The following EDEM2 variants were observed in gnomAD, a reference collection of about 807,000 sequenced individuals.
EDEM2 encodes the protein ER degradation-enhancing alpha-mannosidase-like protein 2.
EDEM2 carries 39 observed loss-of-function variants against 64.8 expected under a neutral mutation model. That is an observed-to-expected ratio of 0.60 (90% CI 0.47 to 0.79). The LOEUF is 0.79. EDEM2 is among the 30% of genes least tolerant of loss of function. The probability of loss-of-function intolerance (pLI) is 0.00; values close to 1 mark genes in which losing one functional copy is unlikely to be tolerated. For synonymous variants in EDEM2, 296 were observed against 291.5 expected (o/e 1.02, Z -0.16); for missense variants, 609 against 731.3 (o/e 0.83, Z 1.93).
Position 35,123,886 on chromosome 20 carries a change from T to C in EDEM2, c.1114+4A>G. ...GCAGATGACAAGCCAGAAATGCTGC[T>C]CACCTGGCCGAAGTGGGTAGCCCTC... is the stretch of plus-strand genomic sequence containing the variant. On this transcript the variant is annotated splice_donor_region_variant and intron_variant, in intron 9 of 10. Transcript: ENST00000374492. 6.2e-7 allele frequency: 1 copy of C among 1,613,444 alleles called. No individual in the cohort carries two copies. Among genetic ancestry groups the C allele is most frequent in the Admixed American group, 1.7e-5 (1 of 59,994 alleles).
chr20:35,129,362 G>C (rs2085478113), intron 7 of EDEM2, among the ~76,000 whole-genome samples: 2 of 151,454 alleles, frequency 1.3e-5, no homozygotes, highest in African/African-American at 2.4e-5. Flanking sequence ...AGCCGATATT[G>C]CACCACTGTA....
At chr20:35,140,979 G>A (rs992749272) in intron 4 of EDEM2, among the ~76,000 whole-genome samples, 3 of 151,790 alleles carry the variant, frequency 2.0e-5, no homozygotes, top group Admixed American at 2.0e-4. Context: ...AATTAGCAGG[G>A]CACGGTGGCA....
Position 35,134,727 on chromosome 20 carries a change from A to G in EDEM2, c.702+11T>C. 4 of 1,612,264 alleles carry G rather than the reference A, an allele frequency of 2.5e-6. No homozygotes were observed. The highest frequency in any genetic ancestry group is 3.4e-6 in the Non-Finnish European group (4 of 1,179,796). On this transcript the variant is annotated intron_variant, in intron 6 of 10. Transcript: ENST00000374492. The stretch of plus-strand genomic sequence containing the variant: ...CAGGGACTCAAACAGGAAGGGCAGC[A>G]GCGAACCTACCAGCCCGATATCTGA...
chr20:35,115,924 G>C lies in EDEM2; in HGVS notation c.1246C>G (p.Leu416Val). ...VECGFATIKD[L>V]RDHKLDNRME... is the part of the protein sequence containing the mutation. ...CGGTTGTCCAGCTTGTGGTCTCGCA[G>C]ATCTTTGATCTGACATGTGGGAGAA... The change falls in exon 11 of 11, where the codon CTG becomes GTG. Residue 416 changes from leucine (L) to valine (V), a missense_variant. Physicochemically the swap from Leu to Val is conservative, Grantham distance 32. Coordinates refer to ENST00000374492, the MANE Select transcript of EDEM2 (RefSeq NM_018217.3). 2 of 1,613,338 alleles carry C rather than the reference G, an allele frequency of 1.2e-6. No homozygotes were observed. Among genetic ancestry groups the C allele is most frequent in the South Asian group, 2.2e-5 (2 of 90,970 alleles).
intron 8 of EDEM2, 54 bp downstream of exon 8, chr20:35,126,197 A>G: frequency 1.3e-6 from 2 of 1,589,548 alleles, no homozygotes; most frequent in Non-Finnish European, 1.7e-6. Flanking sequence ...CATCAGAATG[A>G]GCTTGCTTTG....
In EDEM2 at chr20:35,133,529, C is replaced by T. The variant is rs1394519445; in HGVS notation, c.702+1209G>A. Among the ~76,000 whole-genome samples the T allele has an allele frequency of 6.6e-5, 10 of 151,434 alleles. No homozygotes were observed. In the East Asian group the frequency reaches 7.8e-4, roughly 12 times the overall value. On this transcript the variant is annotated intron_variant, in intron 6 of 10. Transcript: ENST00000374492. Reference sequence around the variant, plus strand: ...TTGCCCAGGCTGGAATGCAATGGCGCGATCTCGGCTCATCCCAACCTCCAC... The same window carrying T: ...TTGCCCAGGCTGGAATGCAATGGCGTGATCTCGGCTCATCCCAACCTCCAC...
intron 7 of EDEM2, among the ~76,000 whole-genome samples, chr20:35,130,145 T>C (rs1236649770): frequency 6.6e-6 from 1 of 152,172 alleles, no homozygotes; most frequent in African/African-American, 2.4e-5. Flanking sequence ...CACGGTTCAC[T>C]GCACCCTTGA....
intron 3 of EDEM2, among the ~76,000 whole-genome samples, chr20:35,143,853 C>T (rs952866878): frequency 2.0e-5 from 3 of 152,186 alleles, no homozygotes; most frequent in South Asian, 2.1e-4. Flanking sequence ...GGATTACAGG[C>T]ATGAGCCACC....
Position 35,118,701 on chromosome 20 carries a change from A to C in EDEM2, c.1133T>G (p.Met378Arg), listed in dbSNP as rs764112524. 6.2e-7 allele frequency: 1 copy of C among 1,612,622 alleles called. No individual in the cohort carries two copies. The highest frequency in any genetic ancestry group is 8.5e-7 in the Non-Finnish European group (1 of 1,179,958). ...ATCCCCCGTGGCACGGTAGAGGTACATTGCGCTTTCAATAAGTTCTGCAAA... is the reference window on the plus strand; with the variant it reads ...ATCCCCCGTGGCACGGTAGAGGTACCTTGCGCTTTCAATAAGTTCTGCAAA... ...PLRPELIESA[M>R]YLYRATGDPT... Residue 378 changes from methionine (M) to arginine (R), a missense_variant, in exon 10 of 11, where the codon ATG (methionine) becomes AGG (arginine). By Grantham distance (91) the Met-to-Arg change is moderately conservative. Coordinates refer to ENST00000374492, the MANE Select transcript of EDEM2 (RefSeq NM_018217.3).
In EDEM2 at chr20:35,137,989, C is replaced by G; in HGVS notation, c.381G>C (p.Leu127=). 6.2e-7 allele frequency: 1 copy of G among 1,614,128 alleles called. No individual in the cohort carries two copies. Among genetic ancestry groups the G allele is most frequent in the East Asian group, 2.2e-5 (1 of 44,884 alleles). ...CCTTCTTGGAGAGCAGATGAGCAGA[C>G]AGGAGTCCTCCTACCACTACAGATG... ...ETNIRVVGGL[L]SAHLLSKKAG... is the part of the protein sequence containing the mutation. The change falls in exon 5 of 11, where the codon CTG becomes CTC. Residue 127 remains leucine, a synonymous_variant. Coordinates refer to ENST00000374492, the MANE Select transcript of EDEM2 (RefSeq NM_018217.3).
At chr20:35,138,215 GAA>G (rs1024156624) in intron 4 of EDEM2, among the ~76,000 whole-genome samples, 2 of 152,086 alleles carry the variant, frequency 1.3e-5, no homozygotes, top group Non-Finnish European at 2.9e-5. Flanking sequence ...GCCACCCAGC[GAA>G]AAAAGAGTCC....
At chr20:35,127,187 G>A (rs562050513) in intron 7 of EDEM2, among the ~76,000 whole-genome samples, 1 of 152,258 alleles carries the variant, frequency 6.6e-6, no homozygotes, top group African/African-American at 2.4e-5. Context: ...CGCCACGATT[G>A]TGAGGCCTCC....
intron 8 of EDEM2, 59 bp from the exon 9 acceptor site, chr20:35,124,093 C>A: frequency 1.3e-6 from 2 of 1,568,290 alleles, no homozygotes; most frequent in Non-Finnish European, 1.7e-6. Context: ...CCACAGACAA[C>A]CTTAAGAAAA....
chr20:35,131,846 A>AC, intron 6 of EDEM2, 63 bp from the exon 7 acceptor site: 1 of 1,567,652 alleles, frequency 6.4e-7, no homozygotes, highest in Non-Finnish European at 8.7e-7. Flanking sequence ...GGATCTACTC[A>AC]CCCCCAACCC....
Position 35,137,965 on chromosome 20 carries a change from C to G in EDEM2, c.405G>C (p.Lys135Asn). The G allele has an allele frequency of 6.2e-7, 1 of 1,614,208 alleles. No homozygotes were observed. The highest frequency in any genetic ancestry group is 8.5e-7 in the Non-Finnish European group (1 of 1,180,050). Residue 135 changes from lysine (K) to asparagine (N), a missense_variant, in exon 5 of 11, where the codon AAG becomes AAC. By Grantham distance (94) the Lys-to-Asn change is moderately conservative. Coordinates refer to ENST00000374492, the MANE Select transcript of EDEM2 (RefSeq NM_018217.3). ...ATCCAGCCTCTACTTCCACCCCAGCCTTCTTGGAGAGCAGATGAGCAGACA... is the reference window on the plus strand; with the variant it reads ...ATCCAGCCTCTACTTCCACCCCAGCGTTCTTGGAGAGCAGATGAGCAGACA... ...GLLSAHLLSK[K>N]AGVEVEAGWP...
At position 35,137,959 on chromosome 20, in the gene EDEM2, C is replaced by T. The variant is rs760494919; in HGVS notation, c.411G>A (p.Gly137=). The change falls in exon 5 of 11, where the codon GGG becomes GGA. Residue 137 remains glycine (G), a synonymous_variant. Coordinates refer to ENST00000374492, the MANE Select transcript of EDEM2 (RefSeq NM_018217.3). ...LSAHLLSKKA[G]VEVEAGWPCS... ...AGGGCCATCCAGCCTCTACTTCCACCCCAGCCTTCTTGGAGAGCAGATGAG... is the reference window on the plus strand; with the variant it reads ...AGGGCCATCCAGCCTCTACTTCCACTCCAGCCTTCTTGGAGAGCAGATGAG... 6.2e-7 allele frequency: 1 copy of T among 1,614,076 alleles called. No homozygotes were observed. Among genetic ancestry groups the T allele is most frequent in the Non-Finnish European group, 8.5e-7 (1 of 1,180,044 alleles).
At chr20:35,139,691 T>G (rs1400809931) in intron 4 of EDEM2, among the ~76,000 whole-genome samples, 1 of 148,850 alleles carries the variant, frequency 6.7e-6, no homozygotes, top group African/African-American at 2.5e-5. Flanking sequence ...AAAAGAAATC[T>G]ACATGTATGT....
At chr20:35,130,608 C>A (rs1276505821) in intron 7 of EDEM2, among the ~76,000 whole-genome samples, 1 of 152,098 alleles carries the variant, frequency 6.6e-6, no homozygotes, top group Non-Finnish European at 1.5e-5. Flanking sequence ...AAACAATCCT[C>A]ACTTCCAAAA....
intron 4 of EDEM2, among the ~76,000 whole-genome samples, chr20:35,141,012 T>C (rs2085646213): frequency 6.8e-6 from 1 of 146,658 alleles, no homozygotes; most frequent in Admixed American, 7.1e-5. Flanking sequence ...CCCAGCTACA[T>C]AGGAGGCTGA....
Sources: allele counts gnomAD v4.1 joint callset (sites outside exome capture counted in the v4.1 genomes callset), GRCh38; gene constraint gnomAD v4.1.1; transcripts MANE v1.5; gene names NCBI Gene and HGNC (gene_info 2026-07-23, HGNC 2026-07-21).